UTRN: variants seen among roughly 807,000 people sequenced by gnomAD.
The protein encoded by UTRN is utrophin.
In UTRN, 283 loss-of-function variants were observed where a neutral mutation model predicts 463.9. That is an observed-to-expected ratio of 0.61 (90% CI 0.55 to 0.67). UTRN has a LOEUF of 0.67. Among genes scored for constraint, UTRN ranks in the 30% least tolerant of loss-of-function variants. The pLI is 0.00. For synonymous variants in UTRN, 1,442 were observed against 1,431.5 expected (o/e 1.01, Z -0.17); for missense variants, 3,922 against 4,084.3 (o/e 0.96, Z 1.08).
At chr6:144,729,858 C>T (rs1418959174) in intron 53 of UTRN, among the ~76,000 whole-genome samples, 1 of 152,172 alleles carries the variant, frequency 6.6e-6, no homozygotes, top group Non-Finnish European at 1.5e-5. Context: ...TTTTTGATTT[C>T]ATGTATGTAC....
chr6:144,429,047 CTT>C, intron 8 of UTRN, among the ~76,000 whole-genome samples, 154 bp downstream of exon 8: 1 of 152,268 alleles, frequency 6.6e-6, no homozygotes, highest in East Asian at 1.9e-4. Context: ...ATTACTGACA[CTT>C]ATTAATACTT....
chr6:144,711,227 A>T (rs781263430), intron 53 of UTRN, among the ~76,000 whole-genome samples: 5 of 152,014 alleles, frequency 3.3e-5, no homozygotes, highest in Non-Finnish European at 5.9e-5. Context: ...GAGGCAGTAG[A>T]ATCGCTTGAA....
rs1048412859 is a variant in UTRN, at chr6:144,462,614, A to AT, written c.2854-35dup. ...CATTTTACTATATCTGTGCAGACAC[A>AT]TTTTTGTGCATATTTTTAATCTTTT... On this transcript the variant is annotated intron_variant, in intron 22 of 74. Coordinates refer to ENST00000367545, the MANE Select transcript of UTRN (RefSeq NM_007124.3). 1.9e-6 allele frequency: 3 copies of AT among 1,544,576 alleles called. No individual in the cohort carries two copies. In the African/African-American group the frequency reaches 4.2e-5, roughly 22 times the overall value.
intron 6 of UTRN, 95 bp downstream of exon 6, chr6:144,424,173 G>A: frequency 7.6e-7 from 1 of 1,315,824 alleles, no homozygotes; most frequent in Non-Finnish European, 1.1e-6. Context: ...ACCACAAGCT[G>A]CTTGGCTTGA....
At chr6:144,335,624 G>A (rs1776658669) in intron 2 of UTRN, among the ~76,000 whole-genome samples, 1 of 152,170 alleles carries the variant, frequency 6.6e-6, no homozygotes, top group African/African-American at 2.4e-5. Context: ...ATGGAACAGA[G>A]TAGGCACTGC....
Position 144,487,674 on chromosome 6 carries a change from C to G in UTRN, c.3949C>G (p.Arg1317Gly). 6.2e-7 allele frequency: 1 copy of G among 1,611,642 alleles called. No individual in the cohort carries two copies. Among genetic ancestry groups the G allele is most frequent in the South Asian group, 1.1e-5 (1 of 90,716 alleles). Residue 1317 changes from arginine (R) to glycine (G), a missense_variant, in exon 29 of 75, where the codon CGA (arginine) becomes GGA (glycine). Physicochemically the swap from Arg to Gly is moderately radical, Grantham distance 125. This residue lies in a region of UTRN where 2,349 missense variants were observed against 2,303.8 expected (regional missense o/e 1.02). Coordinates refer to ENST00000367545, the MANE Select transcript of UTRN (RefSeq NM_007124.3). ...ISEKLEAFNS[R>G]YEDLSHLAES... Reference sequence around the variant, plus strand: ...TGAGAAACTGGAGGCTTTCAACAGCCGATATGAAGATCTAAGTCACCTGGT... The same window carrying G: ...TGAGAAACTGGAGGCTTTCAACAGCGGATATGAAGATCTAAGTCACCTGGT...
intron 55 of UTRN, among the ~76,000 whole-genome samples, chr6:144,748,955 T>A (rs1252354921): frequency 1.3e-5 from 2 of 152,092 alleles, no homozygotes; most frequent in African/African-American, 2.4e-5. Context: ...AGTCTCCAGG[T>A]TCCTCTCTAC....
rs1191661262 is a variant in UTRN, at chr6:144,542,779, T to G, written c.6520-16T>G. On this transcript the variant is annotated splice_polypyrimidine_tract_variant and intron_variant, in intron 45 of 74. Transcript: ENST00000367545. ...TACGTAGTATTCTTCTCTTTCTGTT[T>G]GTCCTGATGCGGTAGATTTGCAGAG... 3 of 1,610,764 alleles carry G rather than the reference T, an allele frequency of 1.9e-6. No homozygotes were observed. The South Asian group carries it at 3.3e-5, about 18-fold the overall frequency.
chr6:144,643,153 AAGGTACT>A (rs1184160553), intron 51 of UTRN, among the ~76,000 whole-genome samples: 1 of 152,178 alleles, frequency 6.6e-6, no homozygotes, highest in Non-Finnish European at 1.5e-5. Flanking sequence ...GCTAAACTTA[AAGGTACT>A]GGGTAGTCAA....
intron 55 of UTRN, 112 bp from the exon 56 acceptor site, chr6:144,751,694 A>G (rs1462446423): frequency 9.7e-7 from 1 of 1,026,444 alleles, no homozygotes; most frequent in Non-Finnish European, 1.3e-6. Flanking sequence ...GTTGAGAAAA[A>G]TCTGTGCATA....
intron 65 of UTRN, among the ~76,000 whole-genome samples, chr6:144,810,342 A>G (rs977114061): frequency 3.9e-5 from 6 of 152,170 alleles, no homozygotes; most frequent in African/African-American, 9.7e-5. Flanking sequence ...TTGTTATGAA[A>G]AAGAGATTAT....
chr6:144,286,966 G>T lies in UTRN; in HGVS notation c.-93+1145G>T, dbSNP rs1803734864. On this transcript the variant is annotated intron_variant, in intron 1 of 74. Transcript: ENST00000367545. This position sits in a 1 kb window ranked among gnomAD's most constrained non-coding sequence, Gnocchi z 4.4. The stretch of plus-strand genomic sequence containing the variant: ...TGGGAGGGTCAGTGCAGCGGTCGCC[G>T]CGGCCAGAGCGCGCGGAGCTCGGGG... 6.6e-6 allele frequency among the ~76,000 whole-genome samples: 1 copy of T among 152,158 alleles called. No individual in the cohort carries two copies. Among genetic ancestry groups the T allele is most frequent in the Non-Finnish European group, 1.5e-5 (1 of 68,014 alleles).
chr6:144,527,149 T>C (rs1373474608), intron 41 of UTRN, among the ~76,000 whole-genome samples: 1 of 152,204 alleles, frequency 6.6e-6, no homozygotes, highest in Non-Finnish European at 1.5e-5. Context: ...CTAGGATTTG[T>C]TTCAAGACTT....
chr6:144,353,534 A>G (rs932118760), intron 2 of UTRN, among the ~76,000 whole-genome samples: 8 of 152,002 alleles, frequency 5.3e-5, no homozygotes, highest in Non-Finnish European at 1.2e-4. Context: ...CTGGGATAAC[A>G]GGCGTGAGCC....
chr6:144,690,095 TTGTG>T (rs1554339292), intron 52 of UTRN, among the ~76,000 whole-genome samples: 889 of 33,340 alleles, frequency 0.027, 36 homozygotes, highest in Non-Finnish European at 0.03. Flanking sequence ...TTTTTTTTTT[TTGTG>T]TGTGTGTGTG....
intron 50 of UTRN, among the ~76,000 whole-genome samples, chr6:144,562,328 T>C (rs1023224137): frequency 1.3e-5 from 2 of 152,128 alleles, no homozygotes; most frequent in Non-Finnish European, 2.9e-5. Context: ...CCAGCATTCA[T>C]TAGCTATATA....
intron 52 of UTRN, among the ~76,000 whole-genome samples, chr6:144,684,884 C>A (rs1782590709): frequency 6.6e-6 from 1 of 152,058 alleles, no homozygotes; most frequent in Non-Finnish European, 1.5e-5. Context: ...TTTACAATTT[C>A]AGTAGCTTTA....
chr6:144,477,455 A>G (rs1791336928), intron 25 of UTRN, among the ~76,000 whole-genome samples: 2 of 152,126 alleles, frequency 1.3e-5, no homozygotes, highest in African/African-American at 4.8e-5. Context: ...ATAAAAAGGA[A>G]CAGCTGTATA....
At chr6:144,786,259 C>G (rs1219559188) in intron 61 of UTRN, among the ~76,000 whole-genome samples, 2 of 152,108 alleles carry the variant, frequency 1.3e-5, no homozygotes, top group Admixed American at 1.3e-4. Context: ...ATGCAAGTCT[C>G]TGACCCACCT....
Sources: gnomAD v4.1 joint callset for allele counts (sites outside exome capture counted in the v4.1 genomes callset) on GRCh38, gnomAD v4.1.1 for gene constraint, gnomAD v4.1.1 regional missense constraint, Gnocchi (gnomAD v3.1) non-coding constraint, MANE v1.5 for transcripts, NCBI Gene and HGNC (gene_info 2026-07-23, HGNC 2026-07-21) for gene names.